Variants in CCBE1 observed in about 807,000 individuals in gnomAD.
CCBE1 encodes the protein collagen and calcium binding EGF domains 1, also known as collagen and calcium-binding EGF domain-containing protein 1.
Under a neutral mutation model 50.0 loss-of-function variants are expected in CCBE1, and 37 were observed. That is an observed-to-expected ratio of 0.74 (90% CI 0.57 to 0.97). The LOEUF is 0.97. CCBE1 is among the 50% of genes least tolerant of loss of function. The pLI is 0.00. For synonymous variants in CCBE1, 234 were observed against 203.7 expected (o/e 1.15, Z -1.27); for missense variants, 538 against 523.8 (o/e 1.03, Z -0.26).
intron 2 of CCBE1, among the ~76,000 whole-genome samples, chr18:59,689,068 C>A (rs928271861): frequency 1.3e-5 from 2 of 152,168 alleles, no homozygotes; most frequent in Non-Finnish European, 2.9e-5. Context: ...GCTTTCAAGA[C>A]AAAAACTACT....
chr18:59,447,949 G>A (rs1271587343), intron 7 of CCBE1, 34 bp downstream of exon 7: 1 of 1,613,454 alleles, frequency 6.2e-7, no homozygotes, highest in Non-Finnish European at 8.5e-7. Context: ...TTTTCTGTTG[G>A]TGATCACCCT....
intron 2 of CCBE1, among the ~76,000 whole-genome samples, chr18:59,623,949 C>A (rs2053745042): frequency 6.6e-6 from 1 of 152,216 alleles, no homozygotes; most frequent in South Asian, 2.1e-4. Flanking sequence ...TTTTATTAAT[C>A]ATGTTCCCCG....
At chr18:59,675,328 A>G (rs763870928) in intron 2 of CCBE1, among the ~76,000 whole-genome samples, 11 of 152,166 alleles carry the variant, frequency 7.2e-5, no homozygotes, top group Non-Finnish European at 1.5e-4. Flanking sequence ...TAGTTCTATA[A>G]TCATCTATAA....
chr18:59,622,335 A>G (rs2053721608), intron 2 of CCBE1, among the ~76,000 whole-genome samples: 3 of 152,110 alleles, frequency 2.0e-5, no homozygotes, highest in South Asian at 4.1e-4. Flanking sequence ...GTCTCTACCA[A>G]AAATACAAAA....
chr18:59,602,133 A>G (rs761781569), intron 2 of CCBE1, among the ~76,000 whole-genome samples: 6 of 148,556 alleles, frequency 4.0e-5, no homozygotes, highest in Non-Finnish European at 6.0e-5. Flanking sequence ...TTTTTAATAT[A>G]TTTTTACTAA....
chr18:59,504,450 C>A (rs1913775724), intron 2 of CCBE1, among the ~76,000 whole-genome samples: 1 of 149,136 alleles, frequency 6.7e-6, no homozygotes, highest in African/African-American at 2.5e-5. Flanking sequence ...TGGTTGACCA[C>A]AAGTGTCCTT....
chr18:59,696,653 G>A lies in CCBE1; in HGVS notation c.188C>T (p.Ser63Leu), dbSNP rs1205031382. Residue 63 changes from serine (S) to leucine (L), a missense_variant, in exon 2 of 11, where the codon TCA becomes TTA. By Grantham distance (145) the Ser-to-Leu change is moderately radical. Coordinates refer to ENST00000439986, the MANE Select transcript of CCBE1 (RefSeq NM_133459.4). ...CCTGTAGCATGTGGTGAGCTCGCCT[G>A]AAGACTTCAGACACGGGTATTTAGT... ...ATTKYPCLKS[S>L]GELTTCYRKK... 1 of 1,614,076 alleles carries A rather than the reference G, an allele frequency of 6.2e-7. No individual in the cohort carries two copies. Among genetic ancestry groups the A allele is most frequent in the Admixed American group, 1.7e-5 (1 of 60,032 alleles).
intron 2 of CCBE1, among the ~76,000 whole-genome samples, chr18:59,660,300 G>A (rs531244479): frequency 6.6e-6 from 1 of 152,284 alleles, no homozygotes; most frequent in South Asian, 2.1e-4. Context: ...TGGTCATTTA[G>A]TCCAACATGT....
chr18:59,592,514 G>C (rs2053286876), intron 2 of CCBE1, among the ~76,000 whole-genome samples: 2 of 152,272 alleles, frequency 1.3e-5, no homozygotes, highest in Non-Finnish European at 2.9e-5. Context: ...GATCCTTACA[G>C]ATATAAAATG....
At chr18:59,546,632 A>G (rs1426494271) in intron 2 of CCBE1, among the ~76,000 whole-genome samples, 3 of 152,162 alleles carry the variant, frequency 2.0e-5, no homozygotes, top group Non-Finnish European at 4.4e-5. Context: ...CTATTTTTGT[A>G]TTTTCTTACT....
intron 2 of CCBE1, among the ~76,000 whole-genome samples, chr18:59,613,168 C>T (rs1203620973): frequency 2.6e-5 from 4 of 151,930 alleles, no homozygotes; most frequent in Non-Finnish European, 5.9e-5. Context: ...GTATCTACAC[C>T]AGCTGCAGGG....
At chr18:59,663,991 C>T (rs2054320097) in intron 2 of CCBE1, among the ~76,000 whole-genome samples, 1 of 152,112 alleles carries the variant, frequency 6.6e-6, no homozygotes, top group South Asian at 2.1e-4. Flanking sequence ...GTTCAGGCTG[C>T]ACTAACAACA....
chr18:59,599,285 T>C (rs187558209), intron 2 of CCBE1, among the ~76,000 whole-genome samples: 1 of 152,204 alleles, frequency 6.6e-6, no homozygotes, highest in Non-Finnish European at 1.5e-5. Flanking sequence ...CCAGGTACCA[T>C]GCTGGATACC....
At chr18:59,612,086 G>C (rs1457176808) in intron 2 of CCBE1, among the ~76,000 whole-genome samples, 3 of 152,154 alleles carry the variant, frequency 2.0e-5, no homozygotes, top group Non-Finnish European at 2.9e-5. Flanking sequence ...CATAGGCCTA[G>C]ATAGAGAATG....
intron 2 of CCBE1, among the ~76,000 whole-genome samples, chr18:59,567,757 C>T (rs1232419092): frequency 6.6e-6 from 1 of 152,102 alleles, no homozygotes; most frequent in African/African-American, 2.4e-5. Flanking sequence ...TGCTCACTAC[C>T]ACCACCACAC....
At chr18:59,441,098 A>G (rs1910399365) in intron 7 of CCBE1, among the ~76,000 whole-genome samples, 3 of 152,244 alleles carry the variant, frequency 2.0e-5, no homozygotes, top group Non-Finnish European at 4.4e-5. Context: ...TTAGCTTCCC[A>G]TGGCAGTGGC....
chr18:59,540,217 T>C (rs1915415842), intron 2 of CCBE1, among the ~76,000 whole-genome samples: 2 of 152,206 alleles, frequency 1.3e-5, no homozygotes, highest in South Asian at 4.1e-4. Context: ...AAATAAATTA[T>C]AGAAGGCAAT....
chr18:59,692,107 T>C (rs911414204), intron 2 of CCBE1, among the ~76,000 whole-genome samples: 4 of 152,232 alleles, frequency 2.6e-5, no homozygotes, highest in South Asian at 2.1e-4. Context: ...GTGATGTTTC[T>C]GGCTGTGGTC....
intron 2 of CCBE1, among the ~76,000 whole-genome samples, chr18:59,514,366 C>G (rs1488076433): frequency 2.0e-5 from 3 of 152,124 alleles, no homozygotes; most frequent in Non-Finnish European, 4.4e-5. Context: ...GCACGTGGCC[C>G]TCCCAGTGAG....
Sources: allele counts gnomAD v4.1 joint callset (sites outside exome capture counted in the v4.1 genomes callset), GRCh38; gene constraint gnomAD v4.1.1; transcripts MANE v1.5; gene names NCBI Gene and HGNC (gene_info 2026-07-23, HGNC 2026-07-21).